ASTN2: variants seen among roughly 807,000 people sequenced by gnomAD.
ASTN2 encodes astrotactin-2.
ASTN2 carries 54 observed loss-of-function variants against 139.8 expected under a neutral mutation model. That is an observed-to-expected ratio of 0.39 (90% confidence interval 0.31 to 0.48). The LOEUF (loss-of-function observed/expected upper bound fraction) is 0.48, where lower values mean the gene tolerates loss of function less well. Ranked by LOEUF, ASTN2 falls within the 20% of genes least tolerant of loss-of-function variation. The probability of loss-of-function intolerance (pLI) is 0.95; values close to 1 mark genes in which losing one functional copy is unlikely to be tolerated. For missense variants in ASTN2, 1,565 were observed against 1,725.1 expected (o/e 0.91, Z 1.64); for synonymous variants, 756 against 719.5 (o/e 1.05, Z -0.81).
At chr9:116,910,489 G>T (rs1407541405) in intron 10 of ASTN2, among the ~76,000 whole-genome samples, 2 of 152,028 alleles carry the variant, frequency 1.3e-5, no homozygotes, top group African/African-American at 4.8e-5. Context: ...ATTGCTTTAG[G>T]TTATTTACTT....
At chr9:116,505,909 T>C (rs919613163) in intron 19 of ASTN2, among the ~76,000 whole-genome samples, 3 of 152,160 alleles carry the variant, frequency 2.0e-5, no homozygotes, top group Non-Finnish European at 2.9e-5. Flanking sequence ...TTCCTCCCAC[T>C]TTCCGGTCTC....
At chr9:116,818,066 A>C (rs948594967) in intron 12 of ASTN2, among the ~76,000 whole-genome samples, 1 of 150,414 alleles carries the variant, frequency 6.6e-6, no homozygotes, top group Non-Finnish European at 1.5e-5. Flanking sequence ...AAAAAAAAAA[A>C]CATAAAATGG....
chr9:116,538,726 A>G (rs1007032953), intron 19 of ASTN2, among the ~76,000 whole-genome samples: 3 of 152,212 alleles, frequency 2.0e-5, no homozygotes, highest in South Asian at 2.1e-4. Context: ...GATGCATCCT[A>G]CAAGTGATGA....
intron 2 of ASTN2, among the ~76,000 whole-genome samples, chr9:117,220,700 G>A (rs1832485651): frequency 6.6e-6 from 1 of 152,114 alleles, no homozygotes; most frequent in Non-Finnish European, 1.5e-5. Flanking sequence ...GCCTCCGGGA[G>A]GAGGCTTGCT....
At chr9:116,633,275 T>G (rs1856899214) in intron 17 of ASTN2, among the ~76,000 whole-genome samples, 1 of 152,254 alleles carries the variant, frequency 6.6e-6, no homozygotes, top group Admixed American at 6.5e-5. Flanking sequence ...TCTTGCTCTG[T>G]GACCTTGAAT....
intron 10 of ASTN2, among the ~76,000 whole-genome samples, chr9:116,941,948 T>C (rs1393103314): frequency 6.8e-6 from 1 of 147,300 alleles, no homozygotes; most frequent in African/African-American, 2.5e-5. Flanking sequence ...TGAATTCTAA[T>C]CCTGGCTTTG....
chr9:117,402,837 T>G (rs1416400749), intron 1 of ASTN2, among the ~76,000 whole-genome samples: 1 of 152,006 alleles, frequency 6.6e-6, no homozygotes, highest in African/African-American at 2.4e-5. Flanking sequence ...AAAGAAAACC[T>G]AAGCCCAAGA....
chr9:117,100,012 T>C (rs73657636), intron 4 of ASTN2, among the ~76,000 whole-genome samples: 1 of 152,208 alleles, frequency 6.6e-6, no homozygotes, highest in Non-Finnish European at 1.5e-5. Context: ...CACACACACA[T>C]GCATGCATAT....
At chr9:117,048,867 T>C (rs1838824079) in intron 5 of ASTN2, among the ~76,000 whole-genome samples, 1 of 152,072 alleles carries the variant, frequency 6.6e-6, no homozygotes. Flanking sequence ...TGAGTGATCT[T>C]TTCATGTCAC....
At chr9:116,813,726 A>G (rs1393140260) in intron 12 of ASTN2, among the ~76,000 whole-genome samples, 2 of 152,238 alleles carry the variant, frequency 1.3e-5, no homozygotes, top group Non-Finnish European at 2.9e-5. Context: ...TAAGGAAGGA[A>G]TCAAATCCTT....
At chr9:117,145,686 C>T (rs1830178439) in intron 3 of ASTN2, among the ~76,000 whole-genome samples, 1 of 152,036 alleles carries the variant, frequency 6.6e-6, no homozygotes, top group African/African-American at 2.4e-5. Flanking sequence ...CCTTGAAATT[C>T]CTATGTTGAT....
chr9:117,410,184 C>T (rs1052566511), intron 1 of ASTN2, among the ~76,000 whole-genome samples: 2 of 152,158 alleles, frequency 1.3e-5, no homozygotes. Flanking sequence ...TGAATCAAAG[C>T]AGGTAGTAAA....
intron 1 of ASTN2, among the ~76,000 whole-genome samples, chr9:117,405,970 C>T (rs1379089204): frequency 3.3e-5 from 5 of 152,188 alleles, no homozygotes; most frequent in Non-Finnish European, 7.4e-5. Context: ...AGGGAAGGCT[C>T]TGTGGGATGG....
chr9:116,828,329 C>T (rs550563683), intron 11 of ASTN2, among the ~76,000 whole-genome samples: 66 of 150,174 alleles, frequency 4.4e-4, no homozygotes, highest in Middle Eastern at 3.5e-3. Context: ...ACTAGCAAGT[C>T]GAATCCAACA....
chr9:117,299,655 G>C (rs1449891936), intron 1 of ASTN2, among the ~76,000 whole-genome samples: 2 of 152,306 alleles, frequency 1.3e-5, no homozygotes, highest in East Asian at 3.9e-4. Flanking sequence ...CTTGCCCATG[G>C]AGCATCACCT....
chr9:117,013,161 A>G (rs1837581042), intron 6 of ASTN2, among the ~76,000 whole-genome samples: 1 of 152,196 alleles, frequency 6.6e-6, no homozygotes, highest in African/African-American at 2.4e-5. Context: ...AGAGAGAACA[A>G]GAGAGAAAGA....
chr9:117,164,203 T>C (rs564636099), intron 3 of ASTN2, among the ~76,000 whole-genome samples: 1 of 152,188 alleles, frequency 6.6e-6, no homozygotes, highest in Admixed American at 6.5e-5. Flanking sequence ...AAATCATGAT[T>C]TTCATATGGG....
At chr9:117,324,855 G>A (rs1026553480) in intron 1 of ASTN2, among the ~76,000 whole-genome samples, 3 of 152,098 alleles carry the variant, frequency 2.0e-5, no homozygotes, top group African/African-American at 7.2e-5. Context: ...ACAGTTTAAG[G>A]AGGGATGAGA....
In ASTN2 at chr9:116,620,383, C is replaced by G. The variant is rs1272330636; in HGVS notation, c.3133G>C (p.Asp1045His). The change falls in exon 18 of 23, where the codon GAC (aspartate) becomes CAC (histidine). Residue 1045 changes from aspartate to histidine, a missense_variant. Asp to His is a moderately conservative substitution (Grantham distance 81). Coordinates refer to ENST00000313400, the MANE Select transcript of ASTN2 (RefSeq NM_001365068.1). ...GCGCTGAGGTCACACCTGCACCAGT[C>G]ATCGATCACATCCCCTTTCCCTGAG... is the stretch of plus-strand genomic sequence containing the variant. ...WCSGKGDVIDDWCRCDLSAFD... is the reference protein window; with the variant it reads ...WCSGKGDVIDHWCRCDLSAFD... 1 of 1,614,034 alleles carries G rather than the reference C, an allele frequency of 6.2e-7. No homozygotes were observed. Among genetic ancestry groups the G allele is most frequent in the African/African-American group, 1.3e-5 (1 of 74,928 alleles).
Sources: allele counts gnomAD v4.1 joint callset (sites outside exome capture counted in the v4.1 genomes callset), GRCh38; gene constraint gnomAD v4.1.1; transcripts MANE v1.5; gene names NCBI Gene and HGNC (gene_info 2026-07-23, HGNC 2026-07-21).